ASIC2: variants seen among roughly 807,000 people sequenced by gnomAD.
ASIC2 encodes the protein acid sensing ion channel subunit 2.
In ASIC2, 25 loss-of-function variants were observed where a neutral mutation model predicts 57.3. The observed-to-expected ratio is 0.44, with a 90% CI of 0.32 to 0.61. The LOEUF (loss-of-function observed/expected upper bound fraction) is 0.61. ASIC2 is among the 20% of genes least tolerant of loss of function. The probability of loss-of-function intolerance (pLI) is 0.06; values close to 1 mark genes in which losing one functional copy is unlikely to be tolerated. For missense variants in ASIC2, 641 were observed against 738.1 expected (o/e 0.87, Z 1.52); for synonymous variants, 319 against 307.5 (o/e 1.04, Z -0.39).
chr17:33,197,763 T>C (rs1906693269), intron 1 of ASIC2, among the ~76,000 whole-genome samples: 1 of 152,228 alleles, frequency 6.6e-6, no homozygotes, highest in Non-Finnish European at 1.5e-5. Context: ...CCCCTCTCCC[T>C]GGGTACTGGT....
intron 1 of ASIC2, among the ~76,000 whole-genome samples, chr17:33,361,987 C>T (rs779489483): frequency 1.1e-4 from 16 of 152,230 alleles, no homozygotes; most frequent in South Asian, 2.1e-4. Context: ...CTCTTCCAGA[C>T]GAATTTAATT....
chr17:33,596,191 GT>G (rs1904974050), intron 1 of ASIC2, among the ~76,000 whole-genome samples: 3 of 152,176 alleles, frequency 2.0e-5, no homozygotes. Context: ...CAGTGATTGA[GT>G]TTGGGGGTGG....
chr17:33,176,862 G>A (rs1347995269), intron 1 of ASIC2, among the ~76,000 whole-genome samples: 2 of 152,166 alleles, frequency 1.3e-5, no homozygotes, highest in Non-Finnish European at 2.9e-5. Context: ...TGGCCACCAA[G>A]GGAAGGGTGA....
intron 1 of ASIC2, among the ~76,000 whole-genome samples, chr17:33,121,134 C>T (rs1056041656): frequency 1.2e-4 from 19 of 152,190 alleles, no homozygotes; most frequent in African/African-American, 3.1e-4. Flanking sequence ...TGGCTTGGAT[C>T]GTGCATAAGC....
At chr17:33,548,871 G>C (rs187914598) in intron 1 of ASIC2, among the ~76,000 whole-genome samples, 209 of 151,992 alleles carry the variant, frequency 1.4e-3, no homozygotes, top group Middle Eastern at 3.4e-3. Context: ...ACTTCTTCCC[G>C]TCATTCACAA....
intron 1 of ASIC2, among the ~76,000 whole-genome samples, chr17:33,674,655 G>A (rs3115683): frequency 0.18 from 26,816 of 152,164 alleles, 2,484 homozygotes; most frequent in African/African-American, 0.22. Flanking sequence ...GTCCAAGTTC[G>A]AACAACTTGT....
intron 1 of ASIC2, among the ~76,000 whole-genome samples, chr17:33,698,928 T>C (rs570337934): frequency 6.6e-6 from 1 of 152,138 alleles, no homozygotes; most frequent in African/African-American, 2.4e-5. Context: ...CTCTGCTTTT[T>C]GAGCATCTCA....
intron 1 of ASIC2, among the ~76,000 whole-genome samples, chr17:33,344,616 G>A (rs187079163): frequency 3.9e-4 from 59 of 152,268 alleles, no homozygotes; most frequent in African/African-American, 1.3e-3. Context: ...GTCTTGCAGG[G>A]TGGGAATGAA....
chr17:33,717,724 C>G (rs1273372456), intron 1 of ASIC2, among the ~76,000 whole-genome samples: 1 of 152,166 alleles, frequency 6.6e-6, no homozygotes, highest in Non-Finnish European at 1.5e-5. Flanking sequence ...CAACAGTCCT[C>G]TCTGAGCTGA....
rs569129201 is a variant in ASIC2, at chr17:33,878,771, T to G, written c.555+277207A>C. Among the ~76,000 whole-genome samples, 72 of 152,142 alleles carry G rather than the reference T, an allele frequency of 4.7e-4. 1 individual carries two copies. In the Middle Eastern group the frequency reaches 0.01, roughly 22 times the overall value. Reference sequence around the variant, plus strand: ...AATACAGAGAATGCCACAAAGATACTCCTCGAGAAGAGCAACTCCAAGACA... The same window carrying G: ...AATACAGAGAATGCCACAAAGATACGCCTCGAGAAGAGCAACTCCAAGACA... On this transcript the variant is annotated intron_variant, in intron 1 of 9. Transcript: ENST00000359872.
chr17:33,590,160 C>A (rs1904778624), intron 1 of ASIC2, among the ~76,000 whole-genome samples: 1 of 152,138 alleles, frequency 6.6e-6, no homozygotes, highest in Admixed American at 6.5e-5. Flanking sequence ...GTGGGACATG[C>A]CCTCCTTTCC....
At chr17:33,780,650 C>T (rs564334253) in intron 1 of ASIC2, among the ~76,000 whole-genome samples, 47 of 152,278 alleles carry the variant, frequency 3.1e-4, no homozygotes, top group African/African-American at 1.1e-3. Flanking sequence ...TGGGAAAATC[C>T]GGCAGTTGCA....
At chr17:33,899,609 C>G (rs1915187180) in intron 1 of ASIC2, among the ~76,000 whole-genome samples, 1 of 152,130 alleles carries the variant, frequency 6.6e-6, no homozygotes, top group Non-Finnish European at 1.5e-5. Context: ...ATTATGTGGA[C>G]TACCTCTGAT....
intron 1 of ASIC2, among the ~76,000 whole-genome samples, chr17:33,891,742 G>A (rs72818945): frequency 7.2e-5 from 11 of 152,104 alleles, no homozygotes; most frequent in South Asian, 4.2e-4. Context: ...TGCTGGCTTC[G>A]TGTTTTTAAA....
intron 1 of ASIC2, among the ~76,000 whole-genome samples, chr17:33,701,143 G>A (rs4474738): frequency 0.19 from 29,276 of 152,036 alleles, 3,395 homozygotes; most frequent in African/African-American, 0.33. Flanking sequence ...ATTGCAACCT[G>A]TCAGGGATAG....
intron 1 of ASIC2, among the ~76,000 whole-genome samples, chr17:33,456,478 CAG>C (rs1291565659): frequency 6.6e-6 from 1 of 152,192 alleles, no homozygotes; most frequent in Non-Finnish European, 1.5e-5. Context: ...GCTCATCCTT[CAG>C]TGATAATTCA....
At chr17:34,018,715 C>G (rs1907052632) in intron 1 of ASIC2, among the ~76,000 whole-genome samples, 1 of 152,158 alleles carries the variant, frequency 6.6e-6, no homozygotes, top group Non-Finnish European at 1.5e-5. Flanking sequence ...AATGTAACTG[C>G]AGATGTGGTA....
At chr17:33,328,523 A>G (rs192971070) in intron 1 of ASIC2, among the ~76,000 whole-genome samples, 3 of 152,074 alleles carry the variant, frequency 2.0e-5, no homozygotes, top group East Asian at 3.9e-4. Flanking sequence ...CCCATCCCCC[A>G]TCACCTGTAA....
chr17:34,150,653 C>A (rs991938338), intron 1 of ASIC2, among the ~76,000 whole-genome samples: 1 of 152,084 alleles, frequency 6.6e-6, no homozygotes, highest in African/African-American at 2.4e-5. Flanking sequence ...ACTGTTCTAA[C>A]AGAGGAATAA....
Sources: allele counts gnomAD v4.1 joint callset (sites outside exome capture counted in the v4.1 genomes callset), GRCh38; gene constraint gnomAD v4.1.1; transcripts MANE v1.5; gene names NCBI Gene and HGNC (gene_info 2026-07-23, HGNC 2026-07-21).